Variants in UBAC1 observed in about 807,000 individuals in gnomAD.
UBAC1 encodes UBA domain containing 1.
A neutral mutation model predicts 45.9 loss-of-function variants in UBAC1; 27 were observed. The ratio of observed to expected loss-of-function variants is 0.59; its 90% CI spans 0.43 to 0.81. The LOEUF (loss-of-function observed/expected upper bound fraction) is 0.81, where lower values mean the gene tolerates loss of function less well. Ranked by LOEUF, UBAC1 falls within the 30% of genes least tolerant of loss-of-function variation. UBAC1 has a pLI of 0.00. For synonymous variants in UBAC1, 227 were observed against 215.5 expected (o/e 1.05, Z -0.47); for missense variants, 529 against 539.2 (o/e 0.98, Z 0.19).
At chr9:135,950,903 G>A (rs1839399294) in intron 3 of UBAC1, among the ~76,000 whole-genome samples, 1 of 152,122 alleles carries the variant, frequency 6.6e-6, no homozygotes, top group South Asian at 2.1e-4. Flanking sequence ...GACCAGCCTG[G>A]GCAACACGGT....
intron 3 of UBAC1, among the ~76,000 whole-genome samples, chr9:135,949,682 C>G (rs142902317): frequency 3.3e-5 from 5 of 152,306 alleles, no homozygotes; most frequent in Non-Finnish European, 5.9e-5. Flanking sequence ...AGGGACAGAT[C>G]GAGAAGAACA....
intron 7 of UBAC1, among the ~76,000 whole-genome samples, chr9:135,941,017 T>C (rs532610084): frequency 6.6e-6 from 1 of 152,300 alleles, no homozygotes; most frequent in Admixed American, 6.5e-5. Context: ...GACTGCACCA[T>C]CAGATGCTTC....
intron 3 of UBAC1, chr9:135,948,127 C>T (rs986668512): frequency 6.0e-6 from 3 of 499,042 alleles, no homozygotes; most frequent in Non-Finnish European, 1.1e-5. Flanking sequence ...AAGAGTGAAG[C>T]GGTAGGTGAG....
At chr9:135,941,114 C>A (rs548594783) in intron 7 of UBAC1, among the ~76,000 whole-genome samples, 1 of 152,258 alleles carries the variant, frequency 6.6e-6, no homozygotes, top group South Asian at 2.1e-4. Flanking sequence ...ATGATCAGGT[C>A]AAAAGTCCCA....
At chr9:135,953,285 ACTT>A (rs896182064) in intron 3 of UBAC1, among the ~76,000 whole-genome samples, 3 of 151,930 alleles carry the variant, frequency 2.0e-5, no homozygotes, top group African/African-American at 7.3e-5. Flanking sequence ...AGTATAGAGA[ACTT>A]CTTTATAATT....
At chr9:135,938,154 T>G in intron 9 of UBAC1, 68 bp downstream of exon 9, 1 of 1,581,424 alleles carries the variant, frequency 6.3e-7, no homozygotes, top group Non-Finnish European at 8.6e-7. Context: ...CCGCAGCACC[T>G]ATTTGTCCTG....
chr9:135,957,955 T>C (rs1406665011), intron 1 of UBAC1, among the ~76,000 whole-genome samples: 2 of 151,894 alleles, frequency 1.3e-5, no homozygotes, highest in Non-Finnish European at 2.9e-5. Context: ...TTTACATTTT[T>C]AGTACAGAAG....
chr9:135,960,698 T>A (rs1336197145), intron 1 of UBAC1, among the ~76,000 whole-genome samples: 1 of 113,920 alleles, frequency 8.8e-6, no homozygotes, highest in East Asian at 3.3e-4. Context: ...GATCTGCCCC[T>A]ACCTCCCTGC....
rs201105140 is a variant in UBAC1 at position 135,953,584 on chromosome 9, C to A, written c.333+96G>T. On this transcript the variant is annotated intron_variant, in intron 3 of 9. Coordinates refer to ENST00000371756, the MANE Select transcript of UBAC1 (RefSeq NM_016172.3). ...CCACCCGCCTCGGCCTCCCAAAGTGCTGGGATTACAGGCGCGAGCCACTGT... is the reference window on the plus strand; with the variant it reads ...CCACCCGCCTCGGCCTCCCAAAGTGATGGGATTACAGGCGCGAGCCACTGT... 9.5e-5 allele frequency: 97 copies of A among 1,019,882 alleles called. No homozygotes were observed. The East Asian group carries it at 2.9e-3, about 31-fold the overall frequency. The allele number at this position is 1,019,882 out of a possible 1,614,324, so 63.2% of individuals were successfully genotyped here. A position where few individuals can be genotyped will look rare whatever the true frequency, so the allele number is the denominator to read the frequency against.
Position 135,961,100 on chromosome 9 carries a change from G to C in UBAC1, c.63C>G (p.Ser21=). The C allele has an allele frequency of 6.3e-7, 1 of 1,590,336 alleles. No homozygotes were observed. The highest frequency in any genetic ancestry group is 1.1e-5 in the South Asian group (1 of 89,004). Residue 21 remains serine, a synonymous_variant, in exon 1 of 10, where the codon TCC becomes TCG. Transcript: ENST00000371756. The part of the protein sequence containing the change: ...GKVLRLHICA[S]DGAEWLEEAT... Reference sequence around the variant, plus strand: ...CCTCCTCCAGCCACTCGGCGCCGTCGGACGCGCAGATGTGCAGCCGCAGCA... The same window carrying C: ...CCTCCTCCAGCCACTCGGCGCCGTCCGACGCGCAGATGTGCAGCCGCAGCA...
At chr9:135,960,928 G>T (rs914381411) in intron 1 of UBAC1, 97 bp downstream of exon 1, 52 of 1,158,424 alleles carry the variant, frequency 4.5e-5, no homozygotes, top group Non-Finnish European at 5.8e-5. Context: ...ACTGGGCGGC[G>T]GACCCCAGGT....
chr9:135,934,617 G>A (rs539713020), intron 9 of UBAC1, among the ~76,000 whole-genome samples: 3 of 152,256 alleles, frequency 2.0e-5, no homozygotes, highest in South Asian at 2.1e-4. Context: ...CCGAGATTGC[G>A]CCACTGCACT....
intron 4 of UBAC1, 128 bp downstream of exon 4, chr9:135,947,670 C>T (rs904611544): frequency 2.6e-5 from 18 of 696,436 alleles, no homozygotes; most frequent in East Asian, 1.1e-4. Flanking sequence ...CCTACAGACC[C>T]GCTCACCGGC....
chr9:135,938,679 A>T (rs1361144464), intron 8 of UBAC1, among the ~76,000 whole-genome samples: 2 of 152,234 alleles, frequency 1.3e-5, no homozygotes, highest in Non-Finnish European at 2.9e-5. Context: ...GAAGGTGATT[A>T]ACAAATGTAC....
At chr9:135,959,019 GA>G (rs1338153914) in intron 1 of UBAC1, among the ~76,000 whole-genome samples, 2 of 152,202 alleles carry the variant, frequency 1.3e-5, no homozygotes, top group East Asian at 3.8e-4. Flanking sequence ...CATTGCATCG[GA>G]ACTGGCTGCC....
In UBAC1 at chr9:135,953,152, G is replaced by A. The variant is rs572293470; in HGVS notation, c.333+528C>T. The stretch of plus-strand genomic sequence containing the variant: ...CAGAAAACTCAGAGGCAGGTTTTCC[G>A]TGCTGGTCCCGTGAGCAGGGAGGGA... On this transcript the variant is annotated intron_variant, in intron 3 of 9. Transcript: ENST00000371756. 8.5e-5 allele frequency among the ~76,000 whole-genome samples: 13 copies of A among 152,292 alleles called. 1 individual carries two copies. The highest frequency in any genetic ancestry group is 6.5e-4 in the Admixed American group (10 of 15,302).
intron 2 of UBAC1, 50 bp downstream of exon 2, chr9:135,955,245 C>G (rs748000452): frequency 2.0e-6 from 3 of 1,483,882 alleles, no homozygotes; most frequent in East Asian, 2.4e-5. Context: ...CCAGCGCCCC[C>G]AGCAGTGCAC....
At chr9:135,959,293 C>T (rs1349970786) in intron 1 of UBAC1, among the ~76,000 whole-genome samples, 2 of 151,638 alleles carry the variant, frequency 1.3e-5, no homozygotes, top group Non-Finnish European at 2.9e-5. Flanking sequence ...GGATATAAAC[C>T]GAACCCCTGA....
chr9:135,936,025 CAAA>C (rs558643918), intron 9 of UBAC1, among the ~76,000 whole-genome samples: 8 of 61,272 alleles, frequency 1.3e-4, no homozygotes, highest in Admixed American at 3.7e-4. Context: ...GATTCCATCT[CAAA>C]AAAAAAAAAA....
Sources: gnomAD v4.1 joint callset for allele counts (sites outside exome capture counted in the v4.1 genomes callset) on GRCh38, gnomAD v4.1.1 for gene constraint, MANE v1.5 for transcripts, NCBI Gene and HGNC (gene_info 2026-07-23, HGNC 2026-07-21) for gene names.